LEO1: variants seen among roughly 807,000 people sequenced by gnomAD.
LEO1 encodes RNA polymerase-associated protein LEO1.
In LEO1, 34 loss-of-function variants were observed where a neutral mutation model predicts 80.4. The observed-to-expected ratio is 0.42, with a 90% CI of 0.32 to 0.56. LEO1 has a LOEUF of 0.56. Ranked by LOEUF, LEO1 falls within the 20% of genes least tolerant of loss-of-function variation. LEO1 has a pLI of 0.10. For synonymous variants in LEO1, 262 were observed against 274.9 expected (o/e 0.95, Z 0.46); for missense variants, 631 against 814.2 (o/e 0.77, Z 2.74).
Position 51,949,907 on chromosome 15 carries a change from C to T in LEO1, c.1699G>A (p.Ala567Thr), listed in dbSNP as rs781385458. Residue 567 changes from alanine to threonine, a missense_variant, in exon 10 of 12, where the codon GCC becomes ACC. Physicochemically the swap from Ala to Thr is moderately conservative, Grantham distance 58. Coordinates refer to ENST00000299601, the MANE Select transcript of LEO1 (RefSeq NM_138792.4). Reference sequence around the variant, plus strand: ...TATCGATCAGGTTCCAGGTAACTGGCGCTCAGCCCCCGCTGGTGCTGTTTC... The same window carrying T: ...TATCGATCAGGTTCCAGGTAACTGGTGCTCAGCCCCCGCTGGTGCTGTTTC... ...REKQHQRGLS[A>T]SYLEPDRYDE... 101 of 1,613,952 alleles carry T rather than the reference C, an allele frequency of 6.3e-5. No individual in the cohort carries two copies. The South Asian group carries it at 9.3e-4, about 15-fold the overall frequency.
chr15:51,951,181 G>A (rs1435606721), intron 9 of LEO1, among the ~76,000 whole-genome samples: 1 of 152,222 alleles, frequency 6.6e-6, no homozygotes, highest in African/African-American at 2.4e-5. Flanking sequence ...ACAAGAGGCA[G>A]GGTGGGCAAA....
intron 5 of LEO1, among the ~76,000 whole-genome samples, chr15:51,959,069 C>A (rs1191865810): frequency 6.7e-6 from 1 of 150,168 alleles, no homozygotes; most frequent in Non-Finnish European, 1.5e-5. Flanking sequence ...ATGGCACGAT[C>A]TCGGCTCACC....
intron 2 of LEO1, among the ~76,000 whole-genome samples, chr15:51,964,811 T>C (rs574149354): frequency 7.9e-5 from 12 of 152,324 alleles, no homozygotes; most frequent in African/African-American, 2.6e-4. Context: ...AGACTTCAAC[T>C]TAATTAAGGT....
chr15:51,951,822 C>T (rs368046636), intron 9 of LEO1, 22 bp downstream of exon 9: 7 of 1,609,464 alleles, frequency 4.3e-6, no homozygotes, highest in African/African-American at 4.0e-5. Flanking sequence ...CCCAGGATAA[C>T]GCTTAGGCTT....
intron 6 of LEO1, among the ~76,000 whole-genome samples, chr15:51,957,311 AAGT>A (rs1316644279): frequency 2.6e-5 from 4 of 152,354 alleles, no homozygotes; most frequent in East Asian, 1.9e-4. Flanking sequence ...AAACAATGAA[AAGT>A]AGTAGAATTA....
At chr15:51,944,726 A>G (rs1355203035) in intron 11 of LEO1, among the ~76,000 whole-genome samples, 1 of 151,386 alleles carries the variant, frequency 6.6e-6, no homozygotes, top group Non-Finnish European at 1.5e-5. Flanking sequence ...TTGAAATAGT[A>G]ATGATATCTT....
intron 1 of LEO1, 73 bp downstream of exon 1, chr15:51,971,615 G>A: frequency 6.7e-7 from 1 of 1,490,262 alleles, no homozygotes. Flanking sequence ...CGGCGCTGGA[G>A]CCTCCACGGT....
At chr15:51,951,221 T>C (rs912339435) in intron 9 of LEO1, among the ~76,000 whole-genome samples, 2 of 152,164 alleles carry the variant, frequency 1.3e-5, no homozygotes, top group Non-Finnish European at 2.9e-5. Flanking sequence ...TTAGAGAAGA[T>C]GGAGAGGAGA....
intron 11 of LEO1, among the ~76,000 whole-genome samples, chr15:51,942,613 AC>A (rs775929995): frequency 2.0e-5 from 3 of 152,152 alleles, no homozygotes; most frequent in Non-Finnish European, 4.4e-5. Context: ...TAAAACAAAT[AC>A]GTTGCAGAAC....
intron 11 of LEO1, among the ~76,000 whole-genome samples, chr15:51,943,081 T>C (rs2056869147): frequency 6.6e-6 from 1 of 151,226 alleles, no homozygotes; most frequent in East Asian, 2.0e-4. Context: ...AGTGAGACCC[T>C]CTGTGTATAA....
chr15:51,949,763 C>T (rs754517253), intron 10 of LEO1, 45 bp downstream of exon 10: 12 of 1,529,008 alleles, frequency 7.8e-6, no homozygotes, highest in Non-Finnish European at 9.9e-6. Flanking sequence ...AAGATGAAGT[C>T]CAGAATCCCG....
At chr15:51,958,402 C>G (rs2057005675) in intron 6 of LEO1, among the ~76,000 whole-genome samples, 1 of 152,100 alleles carries the variant, frequency 6.6e-6, no homozygotes, top group Non-Finnish European at 1.5e-5. Context: ...CTGCCAAGAG[C>G]TGGGTTTGTG....
At chr15:51,951,515 A>G (rs187119049) in intron 9 of LEO1, among the ~76,000 whole-genome samples, 12 of 152,300 alleles carry the variant, frequency 7.9e-5, no homozygotes, top group Admixed American at 7.2e-4. Context: ...TAGTATCTCC[A>G]CTGACTTCTG....
At chr15:51,956,783 G>A (rs1322454509) in intron 6 of LEO1, among the ~76,000 whole-genome samples, 1 of 152,238 alleles carries the variant, frequency 6.6e-6, no homozygotes, top group East Asian at 1.9e-4. Flanking sequence ...CCAACATTTT[G>A]TAGTCTGATG....
At chr15:51,954,390 A>G in intron 7 of LEO1, 91 bp downstream of exon 7, 2 of 791,222 alleles carry the variant, frequency 2.5e-6, no homozygotes, top group Non-Finnish European at 4.3e-6. Context: ...TCTAAAACTA[A>G]TAATAAATTT....
intron 6 of LEO1, among the ~76,000 whole-genome samples, chr15:51,957,377 C>G (rs1426850783): frequency 6.6e-6 from 1 of 152,000 alleles, no homozygotes; most frequent in Non-Finnish European, 1.5e-5. Context: ...AAGCCTAAAT[C>G]AATACATCCA....
rs1032799916 is a variant in LEO1 at position 51,960,776 on chromosome 15, A to T, written c.920-43T>A. ...AAAGGCATTAGTGTTACTATCTGTA[A>T]CTAAGGTTCTTCACAGCTGATCACT... On this transcript the variant is annotated intron_variant, in intron 3 of 11. Transcript: ENST00000299601. 7.0e-6 allele frequency: 8 copies of T among 1,150,024 alleles called. No homozygotes were observed. The African/African-American group carries it at 7.6e-5, about 11-fold the overall frequency. The allele number at this position is 1,150,024 out of a possible 1,614,324, so 71.2% of individuals were successfully genotyped here. A position where few individuals can be genotyped will look rare whatever the true frequency, so the allele number is the denominator to read the frequency against.
At position 51,966,629 on chromosome 15, in the gene LEO1, G is replaced by C. The variant is rs1595947932; in HGVS notation, c.59-125C>G. 16 of 622,994 alleles carry C rather than the reference G, an allele frequency of 2.6e-5. No homozygotes were observed. In the East Asian group the frequency reaches 4.4e-4, roughly 17 times the overall value. The allele number at this position is 622,994 out of a possible 1,614,324, so 38.6% of individuals were successfully genotyped here. A position where few individuals can be genotyped will look rare whatever the true frequency, so the allele number is the denominator to read the frequency against. ...AAAACTGTTAGAATTAACATTCTAA[G>C]GCCGGGTGCAGTGGCTCACGCCTGT... On this transcript the variant is annotated intron_variant, in intron 1 of 11. Coordinates refer to ENST00000299601, the MANE Select transcript of LEO1 (RefSeq NM_138792.4).
At chr15:51,950,492 T>A (rs889494538) in intron 9 of LEO1, among the ~76,000 whole-genome samples, 3 of 152,178 alleles carry the variant, frequency 2.0e-5, no homozygotes, top group African/African-American at 7.2e-5. Context: ...CGGCTCCTGA[T>A]GACAGGTTGG....
Sources: gnomAD v4.1 joint callset for allele counts (sites outside exome capture counted in the v4.1 genomes callset) on GRCh38, gnomAD v4.1.1 for gene constraint, MANE v1.5 for transcripts, NCBI Gene and HGNC (gene_info 2026-07-23, HGNC 2026-07-21) for gene names.